ADAMTS18: variants seen among roughly 807,000 people sequenced by gnomAD.
ADAMTS18 encodes the protein A disintegrin and metalloproteinase with thrombospondin motifs 18.
A neutral mutation model predicts 165.9 loss-of-function variants in ADAMTS18; 157 were observed. The ratio of observed to expected loss-of-function variants is 0.95; its 90% CI spans 0.83 to 1.08. The LOEUF (loss-of-function observed/expected upper bound fraction) is 1.08, where lower values mean the gene tolerates loss of function less well. ADAMTS18 is among the 50% of genes least tolerant of loss of function. ADAMTS18 has a pLI of 0.00. For synonymous variants in ADAMTS18, 782 were observed against 578.2 expected (o/e 1.35, Z -5.06); for missense variants, 2,040 against 1,534.0 (o/e 1.33, Z -5.51).
At chr16:77,377,764 T>C (rs2056973468) in intron 3 of ADAMTS18, among the ~76,000 whole-genome samples, 3 of 152,218 alleles carry the variant, frequency 2.0e-5, no homozygotes, top group Non-Finnish European at 1.5e-5. Context: ...TCACATTCTT[T>C]AAAAATTTTT....
rs905552665 is a variant in ADAMTS18, at chr16:77,355,884, C to A, written c.1460+56G>T. 2.5e-6 allele frequency: 4 copies of A among 1,608,998 alleles called. No individual in the cohort carries two copies. The African/African-American group carries it at 5.3e-5, about 22-fold the overall frequency. On this transcript the variant is annotated intron_variant, in intron 9 of 22. Transcript: ENST00000282849. ...AGTATTCGTTTGCAGGTCTATGGAG[C>A]ACAATTCTGTCATCACTCCAAACCT...
chr16:77,294,851 G>T, intron 19 of ADAMTS18, 72 bp downstream of exon 19: 1 of 1,441,240 alleles, frequency 6.9e-7, no homozygotes, highest in Non-Finnish European at 9.7e-7. Flanking sequence ...GAGCCCAGTG[G>T]AGAGCAAAGA....
intron 3 of ADAMTS18, among the ~76,000 whole-genome samples, chr16:77,426,399 G>C (rs754069652): frequency 1.3e-5 from 2 of 152,132 alleles, no homozygotes; most frequent in Non-Finnish European, 2.9e-5. Context: ...GGTATAAACA[G>C]AGTTAAACAG....
chr16:77,289,010 G>T (rs372723098), intron 22 of ADAMTS18, among the ~76,000 whole-genome samples: 3 of 152,242 alleles, frequency 2.0e-5, no homozygotes, highest in East Asian at 3.9e-4. Context: ...GCATGAACCC[G>T]GGAGGCAGAG....
At chr16:77,368,437 C>CTTT (rs892324445) in intron 3 of ADAMTS18, among the ~76,000 whole-genome samples, 18 of 132,978 alleles carry the variant, frequency 1.4e-4, no homozygotes, top group Non-Finnish European at 1.8e-4. Flanking sequence ...TTCTTTTTTT[C>CTTT]TTTTTTTTTT....
chr16:77,353,549 G>C (rs897017663), intron 10 of ADAMTS18, among the ~76,000 whole-genome samples, 184 bp downstream of exon 10: 6 of 152,148 alleles, frequency 3.9e-5, no homozygotes, highest in African/African-American at 1.4e-4. Context: ...GGTCTATGTG[G>C]ATAGGCCTGG....
chr16:77,289,142 A>C lies in ADAMTS18; in HGVS notation c.3550+122T>G. The C allele has an allele frequency of 3.9e-6, 5 of 1,288,224 alleles. 1 individual carries two copies. Among genetic ancestry groups the C allele is most frequent in the Middle Eastern group, 4.1e-4 (2 of 4,874 alleles). 79.8% of individuals were successfully genotyped at this position (1,288,224 alleles called of 1,614,324 possible). ...AACTCCAGGGAGCACTGTCACATAG[A>C]CTTCGGGTGAATGGCTTACCCTAGA... On this transcript the variant is annotated intron_variant, in intron 22 of 22. Coordinates refer to ENST00000282849, the MANE Select transcript of ADAMTS18 (RefSeq NM_199355.4).
chr16:77,401,821 T>C (rs115360058), intron 3 of ADAMTS18, among the ~76,000 whole-genome samples: 1,524 of 152,274 alleles, frequency 0.01, 26 homozygotes, highest in African/African-American at 0.034. Flanking sequence ...TCGCTCTCTT[T>C]TCTTGAGCAA....
rs543090492 is a variant in ADAMTS18, at chr16:77,322,065, G to C, written c.2163+271C>G. ...AGCTACTCAGGAGGCTGAGGCAGGA[G>C]AATCACTTGAACCCAGGAGGCAGAG... is the stretch of plus-strand genomic sequence containing the variant. On this transcript the variant is annotated intron_variant, in intron 14 of 22. Transcript: ENST00000282849. Among the ~76,000 whole-genome samples the C allele has an allele frequency of 6.6e-4, 96 of 145,752 alleles. 2 individuals are homozygous for C. Among genetic ancestry groups the C allele is most frequent in the African/African-American group, 2.4e-3 (94 of 39,268 alleles).
intron 10 of ADAMTS18, among the ~76,000 whole-genome samples, chr16:77,350,137 T>C (rs964866981): frequency 6.6e-6 from 1 of 152,184 alleles, no homozygotes; most frequent in African/African-American, 2.4e-5. Flanking sequence ...AATAATCAAA[T>C]GGGCGCTCTC....
chr16:77,368,819 G>C (rs751371546), intron 3 of ADAMTS18, among the ~76,000 whole-genome samples: 2 of 152,148 alleles, frequency 1.3e-5, no homozygotes, highest in Non-Finnish European at 2.9e-5. Context: ...AGAATCTGAT[G>C]AGTGGTGCTA....
At chr16:77,425,780 C>T (rs188423462) in intron 3 of ADAMTS18, among the ~76,000 whole-genome samples, 78 of 152,244 alleles carry the variant, frequency 5.1e-4, no homozygotes, top group African/African-American at 1.9e-3. Flanking sequence ...CGGTGGCTCA[C>T]ACCTGTAATT....
intron 16 of ADAMTS18, among the ~76,000 whole-genome samples, chr16:77,302,390 G>A (rs2055601634): frequency 6.6e-6 from 1 of 151,920 alleles, no homozygotes; most frequent in African/African-American, 2.4e-5. Context: ...AGAAAATTAT[G>A]CACTGTACCG....
intron 3 of ADAMTS18, among the ~76,000 whole-genome samples, chr16:77,420,970 TCAGCAGAAAGATAATCTCCTTTTAC>T (rs1288792385): frequency 6.6e-6 from 1 of 152,192 alleles, no homozygotes; most frequent in Non-Finnish European, 1.5e-5. Flanking sequence ...ACTCGGTAAA[TCAGCAGAAAGATAATCTCCTTTTAC>T]CAGCTTATCT....
chr16:77,310,339 G>T lies in ADAMTS18; in HGVS notation c.2532+9510C>A, dbSNP rs546864375. ...TTGTCTGATAACATAGGGTTTGGGG[G>T]TGCTCTAAAAGTACTTCAGGACAGT... On this transcript the variant is annotated intron_variant, in intron 16 of 22. Transcript: ENST00000282849. 2.0e-5 allele frequency among the ~76,000 whole-genome samples: 3 copies of T among 152,298 alleles called. No individual in the cohort carries two copies. The South Asian group carries it at 6.2e-4, about 32-fold the overall frequency.
intron 12 of ADAMTS18, among the ~76,000 whole-genome samples, chr16:77,327,075 C>A (rs967791468): frequency 6.6e-6 from 1 of 152,224 alleles, no homozygotes; most frequent in Non-Finnish European, 1.5e-5. Context: ...ATATGTACCA[C>A]ATTTCTTTAT....
chr16:77,324,018 ATT>A (rs2056050751), intron 13 of ADAMTS18, among the ~76,000 whole-genome samples: 1 of 152,264 alleles, frequency 6.6e-6, no homozygotes, highest in Admixed American at 6.5e-5. Context: ...TGCAAAATTT[ATT>A]TGTTTAACTT....
intron 22 of ADAMTS18, among the ~76,000 whole-genome samples, chr16:77,288,092 T>C (rs751042687): frequency 3.9e-5 from 6 of 152,146 alleles, no homozygotes; most frequent in South Asian, 2.1e-4. Flanking sequence ...TGAGTACCTG[T>C]TGCGTGCCCA....
intron 10 of ADAMTS18, among the ~76,000 whole-genome samples, chr16:77,351,308 C>A (rs1212440199): frequency 1.3e-5 from 2 of 152,162 alleles, no homozygotes; most frequent in Non-Finnish European, 1.5e-5. Context: ...TTGTTTGACT[C>A]AATCTTTTAT....
Sources: allele counts gnomAD v4.1 joint callset (sites outside exome capture counted in the v4.1 genomes callset), GRCh38; gene constraint gnomAD v4.1.1; transcripts MANE v1.5; gene names NCBI Gene and HGNC (gene_info 2026-07-23, HGNC 2026-07-21).